The following NOTCH3 variants were observed in gnomAD, a reference collection of about 807,000 sequenced individuals.
NOTCH3 encodes the protein neurogenic locus notch homolog protein 3.
NOTCH3 carries 86 observed loss-of-function variants against 213.3 expected under a neutral mutation model. The observed-to-expected ratio is 0.40, with a 90% CI of 0.34 to 0.48. The LOEUF (loss-of-function observed/expected upper bound fraction) is 0.48, where lower values mean the gene tolerates loss of function less well. Among genes scored for constraint, NOTCH3 ranks in the 20% least tolerant of loss-of-function variants. The pLI, the probability that NOTCH3 is intolerant of heterozygous loss-of-function variation, is 0.57. For missense variants in NOTCH3, 2,783 were observed against 3,272.6 expected (o/e 0.85, Z 3.65); for synonymous variants, 1,354 against 1,355.9 (o/e 1.00, Z 0.03).
Position 15,189,164 on chromosome 19 carries a change from G to C in NOTCH3, c.1203C>G (p.Pro401=), listed in dbSNP as rs2046908092. The C allele has an allele frequency of 6.2e-7, 1 of 1,613,270 alleles. No individual in the cohort carries two copies. Among genetic ancestry groups the C allele is most frequent in the Non-Finnish European group, 8.5e-7 (1 of 1,180,042 alleles). Residue 401 remains proline (P), a synonymous_variant, in exon 8 of 33, where the codon CCC becomes CCG. Transcript: ENST00000263388. ...DVDECSIGAN[P]CEHLGRCVNT... ...TCACGCACCTGCCCAAGTGCTCGCA[G>C]GGGTTGGCGCCTGCCGGATGGAGTG...
At chr19:15,175,588 T>TACACACACACACAC (rs149125680) in intron 24 of NOTCH3, among the ~76,000 whole-genome samples, 1 of 47,186 alleles carries the variant, frequency 2.1e-5, no homozygotes, top group African/African-American at 5.4e-5. Flanking sequence ...TATATATGTA[T>TACACACACACACAC]ATACACACAC....
Position 15,187,918 on chromosome 19 carries a change from C to T in NOTCH3, c.1569G>A (p.Val523=). 1 of 1,549,996 alleles carries T rather than the reference C, an allele frequency of 6.5e-7. No homozygotes were observed. Among genetic ancestry groups the T allele is most frequent in the Non-Finnish European group, 8.7e-7 (1 of 1,146,986 alleles). The change falls in exon 10 of 33, where the codon GTG becomes GTA. Residue 523 remains valine (V), a synonymous_variant. Transcript: ENST00000263388. ...STPCRNGAKC[V]DQPDGYECRC... The stretch of plus-strand genomic sequence containing the variant: ...GGCACTCGTAGCCATCGGGCTGGTC[C>T]ACGCATTTGGCGCCATTCCTGCAGG...
At position 15,178,807 on chromosome 19, in the gene NOTCH3, C is replaced by T. The variant is rs776162777; in HGVS notation, c.3837+16G>A. On this transcript the variant is annotated intron_variant, in intron 23 of 32. Coordinates refer to ENST00000263388, the MANE Select transcript of NOTCH3 (RefSeq NM_000435.3). Reference sequence around the variant, plus strand: ...ACGCCCCTACTCCTCCTCCAAAGGCCGCCACCCACACCTACCTGGGCACAG... The same window carrying T: ...ACGCCCCTACTCCTCCTCCAAAGGCTGCCACCCACACCTACCTGGGCACAG... The T allele has an allele frequency of 2.2e-5, 34 of 1,570,158 alleles. No individual in the cohort carries two copies. The highest frequency in any genetic ancestry group is 2.9e-5 in the Non-Finnish European group (33 of 1,152,946).
intron 2 of NOTCH3, 59 bp downstream of exon 2, chr19:15,197,441 G>GGCCCCCCCC: frequency 6.5e-6 from 5 of 768,360 alleles, no homozygotes; most frequent in Non-Finnish European, 6.9e-6. Context: ...AAGACAAATC[G>GGCCCCCCCC]CCCCTCCCCC....
At chr19:15,197,441 G>GGGGCCCC in intron 2 of NOTCH3, 59 bp downstream of exon 2, 21 of 768,340 alleles carry the variant, frequency 2.7e-5, no homozygotes, top group East Asian at 8.2e-5. Context: ...AAGACAAATC[G>GGGGCCCC]CCCCTCCCCC....
chr19:15,162,690 A>G, intron 31 of NOTCH3, 128 bp from the exon 32 acceptor site: 1 of 721,550 alleles, frequency 1.4e-6, no homozygotes, highest in Non-Finnish European at 2.5e-6. Flanking sequence ...ATATCCAAGT[A>G]CTTGTGTCTG....
chr19:15,161,286 G>A lies in NOTCH3; in HGVS notation c.6342C>T (p.Pro2114=). 1.3e-6 allele frequency: 2 copies of A among 1,537,394 alleles called. No individual in the cohort carries two copies. Among genetic ancestry groups the A allele is most frequent in the South Asian group, 1.2e-5 (1 of 82,776 alleles). Residue 2114 remains proline, a synonymous_variant, in exon 33 of 33, where the codon CCC becomes CCT. Coordinates refer to ENST00000263388, the MANE Select transcript of NOTCH3 (RefSeq NM_000435.3). The part of the protein sequence containing the change: ...SLDSPRPFGG[P]PASPGGFPLE... ...GGGGGAAGCCACCAGGGGAAGCAGG[G>A]GGCCCACCGAAAGGCCGCGGGGAGT...
At chr19:15,171,753 C>T (rs2046736612) in intron 25 of NOTCH3, among the ~76,000 whole-genome samples, 1 of 152,228 alleles carries the variant, frequency 6.6e-6, no homozygotes, top group South Asian at 2.1e-4. Context: ...TCACTGCAAC[C>T]TCCGACTCCC....
At chr19:15,180,404 G>A in intron 19 of NOTCH3, 148 bp from the exon 20 acceptor site, 1 of 962,390 alleles carries the variant, frequency 1.0e-6, no homozygotes, top group Non-Finnish European at 1.6e-6. Flanking sequence ...CCCCCCAGCA[G>A]GCAAGGTCTC....
At chr19:15,182,543 AACAATTTTAT>A (rs985527471) in intron 16 of NOTCH3, among the ~76,000 whole-genome samples, 2 of 152,058 alleles carry the variant, frequency 1.3e-5, no homozygotes, top group African/African-American at 4.8e-5. Flanking sequence ...ATATCTCATT[AACAATTTTAT>A]ACTGGTTACA....
At chr19:15,164,147 T>C (rs2145388504) in intron 31 of NOTCH3, among the ~76,000 whole-genome samples, 1 of 152,338 alleles carries the variant, frequency 6.6e-6, no homozygotes, top group East Asian at 1.9e-4. Context: ...ATGACTCTGA[T>C]TATACTAAGA....
At chr19:15,179,338 T>TC in intron 21 of NOTCH3, 26 bp downstream of exon 21, 3 of 1,610,332 alleles carry the variant, frequency 1.9e-6, no homozygotes, top group South Asian at 2.2e-5. Flanking sequence ...TCTCATCCTG[T>TC]CCCCCCAACC....
rs2046620370 is a variant in NOTCH3, at chr19:15,159,190, CAATT to C, written c.*1468_*1471del. 6.6e-6 allele frequency: 1 copy of C among 152,172 alleles called. No individual in the cohort carries two copies. Among genetic ancestry groups the C allele is most frequent in the Non-Finnish European group, 1.5e-5 (1 of 68,060 alleles). The allele number at this position is 152,172 out of a possible 1,614,324, so 9.4% of individuals were successfully genotyped here. A position where few individuals can be genotyped will look rare whatever the true frequency, so the allele number is the denominator to read the frequency against. On this transcript the variant is annotated 3_prime_UTR_variant, in exon 33 of 33. Transcript: ENST00000263388. ...TGTTGATCTCAATGGAATGAACACT[CAATT>C]AACTGGAATTGATAACTGCACTGGG...
At chr19:15,197,445 C>CAG in intron 2 of NOTCH3, 55 bp downstream of exon 2, 1 of 771,208 alleles carries the variant, frequency 1.3e-6, no homozygotes, top group Non-Finnish European at 2.3e-6. Context: ...CAAATCGCCC[C>CAG]TCCCCCCCGC....
chr19:15,166,806 C>T (rs1471038790), intron 29 of NOTCH3, among the ~76,000 whole-genome samples: 1 of 152,178 alleles, frequency 6.6e-6, no homozygotes, highest in Non-Finnish European at 1.5e-5. Flanking sequence ...CCCCGCTCCA[C>T]CAGCAGACCC....
At chr19:15,195,847 G>A (rs1311622075) in intron 2 of NOTCH3, among the ~76,000 whole-genome samples, 2 of 151,546 alleles carry the variant, frequency 1.3e-5, no homozygotes, top group African/African-American at 4.8e-5. Context: ...CGCCCCCGCC[G>A]ACCGGTCGGG....
chr19:15,177,832 C>T lies in NOTCH3; in HGVS notation c.4096G>A (p.Gly1366Ser), dbSNP rs1464173667. ...APFFRCACAQGWTGPRCEAPA... is the reference protein window; with the variant it reads ...APFFRCACAQSWTGPRCEAPA... ...GCCTCGCAGCGCGGCCCGGTCCAGC[C>T]CTGCGCGCAAGCGCAGCGGAAGAAG... Residue 1366 changes from glycine (G) to serine (S), a missense_variant, in exon 24 of 33, where the codon GGC (glycine) becomes AGC (serine). By Grantham distance (56) the Gly-to-Ser change is moderately conservative. Coordinates refer to ENST00000263388, the MANE Select transcript of NOTCH3 (RefSeq NM_000435.3). The T allele has an allele frequency of 1.6e-6, 2 of 1,223,558 alleles. No homozygotes were observed. The highest frequency in any genetic ancestry group is 3.2e-5 in the African/African-American group (2 of 63,130). 75.8% of individuals were successfully genotyped at this position (1,223,558 alleles called of 1,614,324 possible).
chr19:15,166,568 C>G (rs1266962621), intron 29 of NOTCH3, among the ~76,000 whole-genome samples: 4 of 152,176 alleles, frequency 2.6e-5, no homozygotes, highest in Non-Finnish European at 5.9e-5. Context: ...CAGGCCCCAG[C>G]AGCCAGAGGG....
intron 27 of NOTCH3, 22 bp from the exon 28 acceptor site, chr19:15,170,192 G>C (rs772326056): frequency 5.1e-6 from 8 of 1,564,976 alleles, no homozygotes; most frequent in Non-Finnish European, 6.1e-6. Context: ...TGGGAAGAGG[G>C]GATGTGAGGG....
Sources: gnomAD v4.1 joint callset for allele counts (sites outside exome capture counted in the v4.1 genomes callset) on GRCh38, gnomAD v4.1.1 for gene constraint, MANE v1.5 for transcripts, NCBI Gene and HGNC (gene_info 2026-07-23, HGNC 2026-07-21) for gene names.